The following DMD variants were observed in gnomAD, a reference collection of about 807,000 sequenced individuals.
DMD encodes the protein dystrophin.
A neutral mutation model predicts 330.1 loss-of-function variants in DMD; 63 were observed. The observed-to-expected ratio is 0.19, with a 90% CI of 0.16 to 0.24. The LOEUF (loss-of-function observed/expected upper bound fraction) is 0.24. Among genes scored for constraint, DMD ranks in the 10% least tolerant of loss-of-function variants. The pLI, the probability that DMD is intolerant of heterozygous loss-of-function variation, is 1.00. For missense variants in DMD, 3,344 were observed against 2,684.1 expected (o/e 1.25, Z -5.43); for synonymous variants, 1,223 against 959.8 (o/e 1.27, Z -5.07).
chrX:32,910,354 T>A (rs1453287311), intron 2 of DMD, among the ~76,000 whole-genome samples: 1 of 111,843 alleles, frequency 8.9e-6, no homozygotes, highest in Non-Finnish European at 1.9e-5. Context: ...AGGGTTAGAA[T>A]TATGATGTGA....
chrX:32,600,598 G>GCACACGCA (rs1556840610), intron 12 of DMD, among the ~76,000 whole-genome samples: 11 of 95,287 alleles, frequency 1.2e-4, no homozygotes, highest in African/African-American at 4.2e-4. Flanking sequence ...ACACGCACAC[G>GCACACGCA]CACACACACA....
At chrX:31,320,360 G>T (rs1168438759) in intron 62 of DMD, among the ~76,000 whole-genome samples, 1 of 111,918 alleles carries the variant, frequency 8.9e-6, no homozygotes, top group Non-Finnish European at 1.9e-5. Flanking sequence ...TTATGTGGGC[G>T]ATCCCTTTAT....
At chrX:31,340,685 G>T (rs1037625472) in intron 61 of DMD, among the ~76,000 whole-genome samples, 37 of 112,044 alleles carry the variant, frequency 3.3e-4, no homozygotes, top group Non-Finnish European at 3.9e-4. Context: ...CAACAGAAAA[G>T]GTCACATTAT....
intron 47 of DMD, among the ~76,000 whole-genome samples, chrX:31,917,030 T>C (rs1353643710): frequency 8.9e-6 from 1 of 111,761 alleles, no homozygotes; most frequent in Non-Finnish European, 1.9e-5. Flanking sequence ...TTCCATTGAA[T>C]GGGATTGGTG....
At chrX:31,530,352 T>G (rs1011579035) in intron 55 of DMD, among the ~76,000 whole-genome samples, 4 of 111,942 alleles carry the variant, frequency 3.6e-5, no homozygotes, top group Non-Finnish European at 7.5e-5. Context: ...CTTTTCCTTT[T>G]GAAGAAAAGC....
intron 49 of DMD, among the ~76,000 whole-genome samples, chrX:31,831,470 A>T (rs1429514264): frequency 8.9e-6 from 1 of 112,288 alleles, no homozygotes; most frequent in Non-Finnish European, 1.9e-5. Context: ...AGTTGCCCAA[A>T]AATCTATTAT....
At chrX:32,407,570 C>T (rs2098123291) in intron 30 of DMD, among the ~76,000 whole-genome samples, 1 of 110,940 alleles carries the variant, frequency 9.0e-6, no homozygotes, top group Non-Finnish European at 1.9e-5. Flanking sequence ...TGTGGCGATT[C>T]CTCAGGGATC....
At chrX:31,969,909 G>A (rs1394331686) in intron 44 of DMD, among the ~76,000 whole-genome samples, 3 of 111,250 alleles carry the variant, frequency 2.7e-5, no homozygotes, top group African/African-American at 9.8e-5. Flanking sequence ...ATATTTCCTT[G>A]TAACTAGTTG....
intron 52 of DMD, among the ~76,000 whole-genome samples, chrX:31,703,958 T>A (rs1248091005): frequency 9.0e-6 from 1 of 111,357 alleles, no homozygotes; most frequent in African/African-American, 3.3e-5. Flanking sequence ...GGAAGGAGTA[T>A]GAAAGACATA....
At chrX:32,461,132 G>A (rs1013890013) in intron 25 of DMD, among the ~76,000 whole-genome samples, 17 of 111,251 alleles carry the variant, frequency 1.5e-4, no homozygotes, top group African/African-American at 5.5e-4. Flanking sequence ...TTATGTTTTC[G>A]CAGACATTGG....
chrX:31,760,068 C>T (rs1479339158), intron 51 of DMD, among the ~76,000 whole-genome samples: 1 of 111,536 alleles, frequency 9.0e-6, no homozygotes, highest in African/African-American at 3.3e-5. Flanking sequence ...AGTGACCTTA[C>T]TATGGAGATG....
intron 47 of DMD, among the ~76,000 whole-genome samples, chrX:31,880,265 A>T (rs748911303): frequency 8.9e-6 from 1 of 112,238 alleles, no homozygotes; most frequent in South Asian, 3.7e-4. Context: ...AAGCAAAAAA[A>T]GAATATAAAA....
At chrX:32,561,335 C>T (rs765794861) in intron 16 of DMD, among the ~76,000 whole-genome samples, 2 of 111,102 alleles carry the variant, frequency 1.8e-5, no homozygotes, top group Non-Finnish European at 3.8e-5. Flanking sequence ...AGCTGAGAAA[C>T]GCAATACGAC....
chrX:31,687,199 T>A (rs1278885672), intron 52 of DMD, among the ~76,000 whole-genome samples: 1 of 111,715 alleles, frequency 9.0e-6, no homozygotes, highest in Non-Finnish European at 1.9e-5. Flanking sequence ...ACTTGGCCTC[T>A]GAGATGTGCT....
At chrX:32,610,622 G>A (rs1049696988) in intron 12 of DMD, among the ~76,000 whole-genome samples, 6 of 111,314 alleles carry the variant, frequency 5.4e-5, no homozygotes, top group Admixed American at 4.8e-4. Flanking sequence ...TCTGATCTGA[G>A]CAGAATTTAA....
chrX:33,236,274 CT>C (rs1195188757), intron 1 of DMD, among the ~76,000 whole-genome samples: 1 of 86,563 alleles, frequency 1.2e-5, no homozygotes, highest in African/African-American at 4.2e-5. Context: ...TTTTTTTTTT[CT>C]TTTTTTTTGA....
chrX:33,102,241 C>T (rs985196501), intron 1 of DMD, among the ~76,000 whole-genome samples: 1 of 109,833 alleles, frequency 9.1e-6, no homozygotes, highest in East Asian at 2.8e-4. Context: ...TTAAAAGAAT[C>T]GTCCTTTAAG....
intron 60 of DMD, among the ~76,000 whole-genome samples, chrX:31,352,768 CTAAA>C (rs1211574923): frequency 2.7e-5 from 3 of 112,121 alleles, no homozygotes; most frequent in African/African-American, 9.7e-5. Flanking sequence ...GCACAACTGG[CTAAA>C]TAAAGAAACA....
In DMD at chrX:32,789,013, A is replaced by G. The variant is rs147718877; in HGVS notation, c.649+20480T>C. ...TAAATTAAAGAACAAAGAGTCAGGG[A>G]TCACCTCTGCAAACAGCTCCTCTCA... On this transcript the variant is annotated intron_variant, in intron 7 of 78. Coordinates refer to ENST00000357033, the MANE Select transcript of DMD (RefSeq NM_004006.3). Among the ~76,000 whole-genome samples, 688 of 111,806 alleles carry G rather than the reference A, an allele frequency of 6.2e-3. 1 individual carries two copies. The highest frequency in any genetic ancestry group is 0.021 in the African/African-American group (658 of 30,729).
Sources: allele counts gnomAD v4.1 joint callset (sites outside exome capture counted in the v4.1 genomes callset), GRCh38; gene constraint gnomAD v4.1.1; transcripts MANE v1.5; gene names NCBI Gene and HGNC (gene_info 2026-07-23, HGNC 2026-07-21).